The following PLAT variants were observed in gnomAD, a reference collection of about 807,000 sequenced individuals.
PLAT encodes the protein tissue-type plasminogen activator.
A neutral mutation model predicts 74.9 loss-of-function variants in PLAT; 48 were observed. The ratio of observed to expected loss-of-function variants is 0.64; its 90% CI spans 0.51 to 0.82. The LOEUF (loss-of-function observed/expected upper bound fraction) is 0.82, where lower values mean the gene tolerates loss of function less well. Among genes scored for constraint, PLAT ranks in the 40% least tolerant of loss-of-function variants. The probability of loss-of-function intolerance (pLI) is 0.00; values close to 1 mark genes in which losing one functional copy is unlikely to be tolerated. For synonymous variants in PLAT, 307 were observed against 294.4 expected (o/e 1.04, Z -0.44); for missense variants, 673 against 736.2 (o/e 0.91, Z 0.99).
chr8:42,201,430 T>G (rs1379674996), intron 1 of PLAT, among the ~76,000 whole-genome samples: 1 of 152,196 alleles, frequency 6.6e-6, no homozygotes, highest in Non-Finnish European at 1.5e-5. Flanking sequence ...GCACTGAGGC[T>G]TCCCGCTTCT....
intron 13 of PLAT, 47 bp from the exon 14 acceptor site, chr8:42,176,198 T>A: frequency 2.0e-6 from 3 of 1,517,682 alleles, no homozygotes; most frequent in Non-Finnish European, 2.7e-6. Flanking sequence ...AAGCAGACTA[T>A]CTGGAGAAAG....
At position 42,194,215 on chromosome 8, in the gene PLAT, T is replaced by TGAGAGAGAGA. The variant is rs140537859; in HGVS notation, c.-26-1014_-26-1005dup. Among the ~76,000 whole-genome samples, 350 of 119,868 alleles carry TGAGAGAGAGA rather than the reference T, an allele frequency of 2.9e-3. 2 individuals are homozygous for TGAGAGAGAGA. The highest frequency in any genetic ancestry group is 8.3e-3 in the African/African-American group (181 of 21,890). The allele number at this position is 119,868 out of a possible 152,430, so 78.6% of individuals were successfully genotyped here. The stretch of plus-strand genomic sequence containing the variant: ...TCAGGCATGTGCCACTGTGCCTGGC[T>TGAGAGAGAGA]GAGAGAGAGAGAGAGAGAGAGAGAG... On this transcript the variant is annotated intron_variant, in intron 1 of 13. Transcript: ENST00000220809.
chr8:42,176,141 C>A lies in PLAT; in HGVS notation c.1541G>T (p.Gly514Val). 6.2e-7 allele frequency: 1 copy of A among 1,613,300 alleles called. No individual in the cohort carries two copies. The highest frequency in any genetic ancestry group is 8.5e-7 in the Non-Finnish European group (1 of 1,179,550). The change falls in exon 14 of 14, where the codon GGA becomes GTA. Residue 514 changes from glycine to valine, a missense_variant. Coordinates refer to ENST00000220809, the MANE Select transcript of PLAT (RefSeq NM_000930.5). ...NLHDACQGDS[G>V]GPLVCLNDGR... ...ATCGTTCAGACACACCAGGGGGCCTCCCGAATCGCCCTGCAAAGGAGATAG... is the reference window on the plus strand; with the variant it reads ...ATCGTTCAGACACACCAGGGGGCCTACCGAATCGCCCTGCAAAGGAGATAG...
At position 42,175,692 on chromosome 8, in the gene PLAT, T is replaced by C. The variant is rs768292884; in HGVS notation, c.*301A>G. Reference sequence around the variant, plus strand: ...GGTGACAGGTCAGGAGGTTGGGCTTTAGCTGAAAACAGGGTGGCATGGCCA... The same window carrying C: ...GGTGACAGGTCAGGAGGTTGGGCTTCAGCTGAAAACAGGGTGGCATGGCCA... On this transcript the variant is annotated 3_prime_UTR_variant, in exon 14 of 14. Coordinates refer to ENST00000220809, the MANE Select transcript of PLAT (RefSeq NM_000930.5). 4.9e-5 allele frequency: 15 copies of C among 306,872 alleles called. No homozygotes were observed. The highest frequency in any genetic ancestry group is 8.6e-5 in the Non-Finnish European group (14 of 163,734). The allele number at this position is 306,872 out of a possible 1,614,324, so 19.0% of individuals were successfully genotyped here.
chr8:42,205,791 G>A (rs1242426070), intron 1 of PLAT, among the ~76,000 whole-genome samples: 1 of 152,146 alleles, frequency 6.6e-6, no homozygotes, highest in Non-Finnish European at 1.5e-5. Flanking sequence ...GGCCACCTTG[G>A]ACATATGTCC....
At chr8:42,188,859 C>T in intron 4 of PLAT, 75 bp downstream of exon 4, 1 of 1,349,396 alleles carries the variant, frequency 7.4e-7, no homozygotes, top group Non-Finnish European at 1.0e-6. Flanking sequence ...TCCCGGGCTC[C>T]AGCGACCCTC....
intron 1 of PLAT, among the ~76,000 whole-genome samples, chr8:42,200,599 C>G (rs1468814721): frequency 6.7e-6 from 1 of 149,046 alleles, no homozygotes; most frequent in African/African-American, 2.5e-5. Flanking sequence ...ATGGCCTGAG[C>G]CTGGGAGTTT....
At chr8:42,182,050 CT>C in intron 8 of PLAT, 28 bp from the exon 9 acceptor site, 1 of 1,394,154 alleles carries the variant, frequency 7.2e-7, no homozygotes, top group Non-Finnish European at 1.0e-6. Flanking sequence ...TTAAGGTTTC[CT>C]TTTTATCTTC....
chr8:42,202,936 G>A (rs1488908950), intron 1 of PLAT, among the ~76,000 whole-genome samples: 1 of 152,112 alleles, frequency 6.6e-6, no homozygotes, highest in East Asian at 1.9e-4. Flanking sequence ...CTTGGCTCTG[G>A]GCCACAGCAA....
At chr8:42,187,226 C>CT in intron 6 of PLAT, 172 bp downstream of exon 6, 1 of 518,982 alleles carries the variant, frequency 1.9e-6, no homozygotes, top group Non-Finnish European at 3.4e-6. Context: ...CATCTATCAT[C>CT]TATCAATCTA....
chr8:42,180,311 G>C lies in PLAT; in HGVS notation c.1153C>G (p.Gln385Glu). 6.2e-7 allele frequency: 1 copy of C among 1,614,120 alleles called. No homozygotes were observed. The highest frequency in any genetic ancestry group is 1.1e-5 in the South Asian group (1 of 91,086). Reference protein sequence around the residue: ...TYRVVPGEEEQKFEVEKYIVH... With the variant: ...TYRVVPGEEEEKFEVEKYIVH... ...ATGTATTTTTCGACTTCAAATTTCT[G>C]CTCCTCCTCGCCAGGGACCACCCGG... is the stretch of plus-strand genomic sequence containing the variant. Residue 385 changes from glutamine (Q) to glutamate (E), a missense_variant, in exon 11 of 14, where the codon CAG becomes GAG. By Grantham distance (29) the Gln-to-Glu change is conservative. Coordinates refer to ENST00000220809, the MANE Select transcript of PLAT (RefSeq NM_000930.5).
chr8:42,178,440 T>G (rs991683542), intron 13 of PLAT, among the ~76,000 whole-genome samples: 1 of 152,112 alleles, frequency 6.6e-6, no homozygotes, highest in Non-Finnish European at 1.5e-5. Flanking sequence ...CAGGCTAATT[T>G]TGTATTTTTA....
rs8178749 is a variant in PLAT, at chr8:42,187,379, C to T, written c.539+19G>A. 194,602 of 1,548,136 alleles carry T rather than the reference C, an allele frequency of 0.13. 12,992 individuals are homozygous for T. The highest frequency in any genetic ancestry group is 0.18 in the South Asian group (15,267 of 85,308). On this transcript the variant is annotated intron_variant, in intron 6 of 13. Transcript: ENST00000220809. ...CAGCTTCTCACAGGGGGAATCCCTC[C>T]TTGGGGATGTGCCCTCACCTGCAGT...
rs1444716955 is a variant in PLAT at position 42,184,163 on chromosome 8, ACTC to A, written c.631+915_631+917del. Among the ~76,000 whole-genome samples the A allele has an allele frequency of 2.7e-5, 4 of 149,738 alleles. No homozygotes were observed. The East Asian group carries it at 7.9e-4, about 29-fold the overall frequency. Reference sequence around the variant, plus strand: ...ACTTTGTTGCCCAGGCTGGTCTCAAACTCCTGGGCTCAAGCAGTTCTCCCGCCT... The same window carrying A: ...ACTTTGTTGCCCAGGCTGGTCTCAAACTGGGCTCAAGCAGTTCTCCCGCCT... On this transcript the variant is annotated intron_variant, in intron 7 of 13. Coordinates refer to ENST00000220809, the MANE Select transcript of PLAT (RefSeq NM_000930.5).
chr8:42,176,297 G>A, intron 13 of PLAT, 146 bp from the exon 14 acceptor site: 1 of 651,616 alleles, frequency 1.5e-6, no homozygotes, highest in South Asian at 2.1e-5. Flanking sequence ...TTATAACTTT[G>A]ATGAGGAAAA....
intron 7 of PLAT, among the ~76,000 whole-genome samples, chr8:42,183,302 C>A (rs1368885533): frequency 6.6e-6 from 1 of 152,206 alleles, no homozygotes; most frequent in Non-Finnish European, 1.5e-5. Flanking sequence ...CACGCCCGGC[C>A]TGAGCCTTTT....
At chr8:42,200,500 C>A (rs1196667590) in intron 1 of PLAT, among the ~76,000 whole-genome samples, 1 of 144,130 alleles carries the variant, frequency 6.9e-6, no homozygotes, top group Non-Finnish European at 1.5e-5. Flanking sequence ...CATGGCAAAA[C>A]CCCATCTCAA....
chr8:42,198,057 A>G (rs1033776559), intron 1 of PLAT, among the ~76,000 whole-genome samples: 1 of 152,218 alleles, frequency 6.6e-6, no homozygotes. Context: ...GCGAGGCCAC[A>G]TGAGGTGGTT....
chr8:42,189,063 T>G lies in PLAT; in HGVS notation c.124A>C (p.Arg42=). The change falls in exon 4 of 14, where the codon AGA becomes CGA. Residue 42 remains arginine (R), a synonymous_variant. Coordinates refer to ENST00000220809, the MANE Select transcript of PLAT (RefSeq NM_000930.5). Reference sequence around the variant, plus strand: ...TATATCATCTGCGTTTTTTCATCTCTGCAGATCACTATGAGAAAAGACAGG... The same window carrying G: ...TATATCATCTGCGTTTTTTCATCTCGGCAGATCACTATGAGAAAAGACAGG... ...RGARSYQVIC[R]DEKTQMIYQQ... is the part of the protein sequence containing the mutation. 1 of 1,613,164 alleles carries G rather than the reference T, an allele frequency of 6.2e-7. No homozygotes were observed. The highest frequency in any genetic ancestry group is 8.5e-7 in the Non-Finnish European group (1 of 1,179,192).
Sources: gnomAD v4.1 joint callset for allele counts (sites outside exome capture counted in the v4.1 genomes callset) on GRCh38, gnomAD v4.1.1 for gene constraint, MANE v1.5 for transcripts, NCBI Gene and HGNC (gene_info 2026-07-23, HGNC 2026-07-21) for gene names.